The following FAM114A2 variants were observed in gnomAD, a reference collection of about 807,000 sequenced individuals.
FAM114A2 encodes the protein protein FAM114A2.
A neutral mutation model predicts 58.4 loss-of-function variants in FAM114A2; 53 were observed. The observed-to-expected ratio is 0.91, with a 90% CI of 0.73 to 1.14. FAM114A2 has a LOEUF of 1.14. Among genes scored for constraint, FAM114A2 ranks in the 50% most tolerant of loss-of-function variants. The probability of loss-of-function intolerance (pLI) is 0.00; values close to 1 mark genes in which losing one functional copy is unlikely to be tolerated. For missense variants in FAM114A2, 601 were observed against 581.1 expected, an observed-to-expected ratio of 1.03 and a Z score of -0.35; for synonymous variants, 228 against 211.4, an observed-to-expected ratio of 1.08 and a Z score of -0.68.
At chr5:154,016,904 C>A (rs757087032) in intron 8 of FAM114A2, among the ~76,000 whole-genome samples, 1 of 152,130 alleles carries the variant, frequency 6.6e-6, no homozygotes, top group South Asian at 2.1e-4. Context: ...CATAAGGACT[C>A]ACGTAAGCTT....
In FAM114A2 at chr5:154,011,258, G is replaced by A. The variant is rs1198291448; in HGVS notation, c.976C>T (p.Pro326Ser). The part of the protein sequence containing the change: ...LFSQLHVSSK[P>S]EKLARARNTA... ...TAACTTACCCTGGCAAGTTTCTCTG[G>A]TTTGGAGGAAACGTGCAGCTGGGAA... is the stretch of plus-strand genomic sequence containing the variant. Residue 326 changes from proline to serine, a missense_variant, in exon 9 of 14, where the codon CCA (proline) becomes TCA (serine). Physicochemically the swap from Pro to Ser is moderately conservative, Grantham distance 74 (BLOSUM62 -1). Transcript: ENST00000351797. The A allele has an allele frequency of 1.9e-6, 3 of 1,610,862 alleles. No homozygotes were observed. Among genetic ancestry groups the A allele is most frequent in the African/African-American group, 2.7e-5 (2 of 74,798 alleles).
At chr5:154,011,443 G>A in intron 8 of FAM114A2, 123 bp from the exon 9 acceptor site, 1 of 640,960 alleles carries the variant, frequency 1.6e-6, no homozygotes, top group South Asian at 2.1e-5. Context: ...AACAATAGTA[G>A]CAGCAGTAAT....
At position 154,034,836 on chromosome 5, in the gene FAM114A2, C is replaced by T. The variant is rs765339513; in HGVS notation, c.118G>A (p.Glu40Lys). ...GAAACTACAGGTTCTGATTTACTCTCTGGTTTGGCACCTTGGTCAACAGAC... is the reference window on the plus strand; with the variant it reads ...GAAACTACAGGTTCTGATTTACTCTTTGGTTTGGCACCTTGGTCAACAGAC... ...SESVDQGAKP[E>K]SKSEPVVSTR... Residue 40 changes from glutamate (E) to lysine (K), a missense_variant, in exon 2 of 14, where the codon GAG (glutamate) becomes AAG (lysine). Transcript: ENST00000351797. The T allele has an allele frequency of 5.6e-6, 9 of 1,614,020 alleles. No homozygotes were observed. The Middle Eastern group carries it at 6.6e-4, about 118-fold the overall frequency.
chr5:153,992,352 TAC>T lies in FAM114A2; in HGVS notation c.*622_*623del, dbSNP rs565907729. 7.0e-4 allele frequency: 107 copies of T among 152,320 alleles called. No homozygotes were observed. Among genetic ancestry groups the T allele is most frequent in the African/African-American group, 2.5e-3 (103 of 41,572 alleles). 9.4% of individuals were successfully genotyped at this position (152,320 alleles called of 1,614,324 possible). ...AATTTGAAGAAAAAGGGCACTTTGCTACAGTTAATTCACATGGCTATAATAGT... is the reference window on the plus strand; with the variant it reads ...AATTTGAAGAAAAAGGGCACTTTGCTAGTTAATTCACATGGCTATAATAGT... On this transcript the variant is annotated 3_prime_UTR_variant, in exon 14 of 14. Coordinates refer to ENST00000351797, the MANE Select transcript of FAM114A2 (RefSeq NM_018691.4).
intron 8 of FAM114A2, among the ~76,000 whole-genome samples, chr5:154,025,470 CA>C (rs1345663861): frequency 1.3e-5 from 2 of 152,068 alleles, no homozygotes; most frequent in Non-Finnish European, 2.9e-5. Context: ...CCTAAGTAGA[CA>C]ACATCTTAGT....
At chr5:154,034,203 A>G (rs1772380164) in intron 3 of FAM114A2, 75 bp downstream of exon 3, 1 of 922,208 alleles carries the variant, frequency 1.1e-6, no homozygotes, top group African/African-American at 1.7e-5. Context: ...AAGAATTTTA[A>G]CCAAGTCATA....
At chr5:154,025,949 TCACC>T (rs1771743734) in intron 8 of FAM114A2, among the ~76,000 whole-genome samples, 1 of 152,124 alleles carries the variant, frequency 6.6e-6, no homozygotes, top group Admixed American at 6.5e-5. Context: ...AGACAAACTA[TCACC>T]CACATTTTAG....
rs896692079 is a variant in FAM114A2 at position 154,035,065 on chromosome 5, C to T, written c.-14-98G>A. ...TTTGAGATTATCATAGATTCACATA[C>T]AAGTATAAGGAATAATACAGAGATC... On this transcript the variant is annotated intron_variant, in intron 1 of 13. Transcript: ENST00000351797. The T allele has an allele frequency of 1.1e-4, 76 of 702,196 alleles. No individual in the cohort carries two copies. The African/African-American group carries it at 1.2e-3, about 11-fold the overall frequency. The allele number at this position is 702,196 out of a possible 1,614,324, so 43.5% of individuals were successfully genotyped here.
intron 9 of FAM114A2, among the ~76,000 whole-genome samples, chr5:154,010,037 T>C (rs1384440675): frequency 6.6e-6 from 1 of 152,210 alleles, no homozygotes; most frequent in Non-Finnish European, 1.5e-5. Flanking sequence ...AGCTACACTG[T>C]GGTTATGTAA....
At position 154,002,510 on chromosome 5, in the gene FAM114A2, GTGT is replaced by G. The variant is rs1311024578; in HGVS notation, c.1117-123_1117-121del. The G allele has an allele frequency of 7.6e-6, 8 of 1,048,298 alleles. No homozygotes were observed. In the Admixed American group the frequency reaches 1.7e-4, roughly 22 times the overall value. 64.9% of individuals were successfully genotyped at this position (1,048,298 alleles called of 1,614,324 possible). A position where few individuals can be genotyped will look rare whatever the true frequency, so the allele number is the denominator to read the frequency against. ...ACTAATAGTTGCCTTCCAATAAAGA[GTGT>G]CTTCTTCTTCCACAGTAGTGATATA... On this transcript the variant is annotated intron_variant, in intron 10 of 13. Coordinates refer to ENST00000351797, the MANE Select transcript of FAM114A2 (RefSeq NM_018691.4).
intron 13 of FAM114A2, among the ~76,000 whole-genome samples, chr5:153,993,517 C>T (rs1321978556): frequency 6.6e-6 from 1 of 152,158 alleles, no homozygotes; most frequent in Non-Finnish European, 1.5e-5. Flanking sequence ...TATGATAGCT[C>T]TTTTTCCATG....
At chr5:154,020,407 A>G (rs1771327719) in intron 8 of FAM114A2, among the ~76,000 whole-genome samples, 1 of 152,136 alleles carries the variant, frequency 6.6e-6, no homozygotes, top group Admixed American at 6.5e-5. Flanking sequence ...CATTAGCGAG[A>G]CTAACAAAGA....
Position 153,991,395 on chromosome 5 carries a change from T to C in FAM114A2, c.*1581A>G, listed in dbSNP as rs1024351304. ...ACAGGTTCAGACACATCAACCAAGCTTGAGGCAACAATTCAGAACTGGTGA... is the reference window on the plus strand; with the variant it reads ...ACAGGTTCAGACACATCAACCAAGCCTGAGGCAACAATTCAGAACTGGTGA... On this transcript the variant is annotated 3_prime_UTR_variant, in exon 14 of 14. Coordinates refer to ENST00000351797, the MANE Select transcript of FAM114A2 (RefSeq NM_018691.4). The C allele has an allele frequency of 1.1e-4, 16 of 152,322 alleles. No homozygotes were observed. The highest frequency in any genetic ancestry group is 2.2e-4 in the African/African-American group (9 of 41,564). The allele number at this position is 152,322 out of a possible 1,614,324, so 9.4% of individuals were successfully genotyped here. A position where few individuals can be genotyped will look rare whatever the true frequency, so the allele number is the denominator to read the frequency against.
At chr5:154,007,846 T>G (rs941806054) in intron 9 of FAM114A2, among the ~76,000 whole-genome samples, 1 of 152,182 alleles carries the variant, frequency 6.6e-6, no homozygotes, top group Non-Finnish European at 1.5e-5. Context: ...GCTATGTGTG[T>G]GAACACATTT....
rs1561579267 is a variant in FAM114A2, at chr5:154,034,341, C to T, written c.247G>A (p.Gly83Ser). The change falls in exon 3 of 14, where the codon GGT becomes AGT. Residue 83 changes from glycine (G) to serine (S), a missense_variant. Transcript: ENST00000351797. ...VSKDVPQTRW[G>S]YWGSWGKSIL... ...GACTTGCCCCAGCTCCCCCAATAAC[C>T]CCATCTGGTCTGGGGTACATCTTTG... is the stretch of plus-strand genomic sequence containing the variant. The T allele has an allele frequency of 6.3e-7, 1 of 1,599,436 alleles. No homozygotes were observed. Among genetic ancestry groups the T allele is most frequent in the Non-Finnish European group, 8.5e-7 (1 of 1,171,606 alleles).
At chr5:154,010,974 T>C (rs772571773) in intron 9 of FAM114A2, among the ~76,000 whole-genome samples, 7 of 152,254 alleles carry the variant, frequency 4.6e-5, no homozygotes, top group East Asian at 1.9e-4. Context: ...ATGACCAACA[T>C]TGTAGACTAA....
At chr5:154,018,804 A>T (rs149039242) in intron 8 of FAM114A2, among the ~76,000 whole-genome samples, 1,795 of 152,338 alleles carry the variant, frequency 0.012, 43 homozygotes, top group African/African-American at 0.04. Flanking sequence ...TAAAAACAAA[A>T]ATCATACAAT....
intron 9 of FAM114A2, among the ~76,000 whole-genome samples, chr5:154,009,097 A>G (rs1003866270): frequency 5.3e-5 from 8 of 152,240 alleles, no homozygotes; most frequent in Non-Finnish European, 1.2e-4. Flanking sequence ...AAGCCATGCC[A>G]GTGGCAATGA....
Position 154,028,139 on chromosome 5 carries a change from T to A in FAM114A2, c.630+10A>T, listed in dbSNP as rs748602939. ...GAAACAGGAAGTAAACAGGTAAGGA[T>A]AATCAGTACCTGAGATAGTGTAGCA... On this transcript the variant is annotated intron_variant, in intron 6 of 13. Transcript: ENST00000351797. 1 of 1,603,470 alleles carries A rather than the reference T, an allele frequency of 6.2e-7. No individual in the cohort carries two copies. The highest frequency in any genetic ancestry group is 1.1e-5 in the South Asian group (1 of 89,690).
Sources: gnomAD v4.1 joint callset for allele counts (sites outside exome capture counted in the v4.1 genomes callset) on GRCh38, gnomAD v4.1.1 for gene constraint, MANE v1.5 for transcripts, NCBI Gene and HGNC (gene_info 2026-07-23, HGNC 2026-07-21) for gene names.